NEBL: variants seen among roughly 807,000 people sequenced by gnomAD.
NEBL encodes nebulette, also known as LIM and SH3 protein 2.
Under a neutral mutation model 140.2 loss-of-function variants are expected in NEBL, and 122 were observed. That is an observed-to-expected ratio of 0.87 (90% confidence interval 0.75 to 1.01). The LOEUF is 1.01. Ranked by LOEUF, NEBL falls within the 50% of genes least tolerant of loss-of-function variation. The pLI is 0.00. For missense variants in NEBL, 1,365 were observed against 1,231.3 expected (o/e 1.11, Z -1.62); for synonymous variants, 436 against 398.9 (o/e 1.09, Z -1.11).
intron 2 of NEBL, among the ~76,000 whole-genome samples, chr10:21,034,853 G>T: frequency 6.6e-6 from 1 of 152,104 alleles, no homozygotes; most frequent in South Asian, 2.1e-4. Flanking sequence ...GTGCAGGTTT[G>T]TTACACAGGT....
chr10:21,203,676 G>A (rs897941764), intron 3 of NEBL, among the ~76,000 whole-genome samples: 1 of 152,148 alleles, frequency 6.6e-6, no homozygotes. Flanking sequence ...TTTCTGTAAT[G>A]GGAAAATGGA....
chr10:20,912,526 T>C (rs1310858237), intron 4 of NEBL, among the ~76,000 whole-genome samples: 2 of 152,250 alleles, frequency 1.3e-5, no homozygotes, highest in African/African-American at 4.8e-5. Flanking sequence ...ATGTTATCTG[T>C]TGCTTTGTTT....
chr10:21,105,112 T>A lies in NEBL; in HGVS notation c.164+67271A>T, dbSNP rs548414403. Among the ~76,000 whole-genome samples the A allele has an allele frequency of 2.0e-4, 31 of 152,312 alleles. No individual in the cohort carries two copies. In the South Asian group the frequency reaches 5.4e-3, roughly 26 times the overall value. Reference sequence around the variant, plus strand: ...ATTATCTTTTTTACATATTGTTGAATTTTATTGGCTAAAAGTCTGTTAATA... The same window carrying A: ...ATTATCTTTTTTACATATTGTTGAAATTTATTGGCTAAAAGTCTGTTAATA... On this transcript the variant is annotated intron_variant, in intron 2 of 6. Coordinates refer to the NEBL transcript ENST00000417816.
intron 19 of NEBL, among the ~76,000 whole-genome samples, chr10:20,822,575 T>C (rs1038124275): frequency 1.3e-5 from 2 of 151,418 alleles, no homozygotes; most frequent in African/African-American, 4.8e-5. Context: ...TATAGAGATA[T>C]ATACAGACTA....
chr10:21,249,855 G>A (rs1588562314), intron 2 of NEBL, among the ~76,000 whole-genome samples: 2 of 152,074 alleles, frequency 1.3e-5, no homozygotes, highest in African/African-American at 4.8e-5. Flanking sequence ...CCTGAGGTCA[G>A]GGGTTTGAGA....
chr10:20,836,127 C>A (rs142469959), intron 13 of NEBL, among the ~76,000 whole-genome samples: 1,955 of 151,174 alleles, frequency 0.013, 55 homozygotes, highest in African/African-American at 0.042. Context: ...GTCAAGCAAG[C>A]CTATCGGTGC....
chr10:20,949,087 A>G (rs1351239555), intron 4 of NEBL, among the ~76,000 whole-genome samples: 1 of 152,238 alleles, frequency 6.6e-6, no homozygotes, highest in Non-Finnish European at 1.5e-5. Context: ...TGAAAAATTT[A>G]AAATTCAAAA....
chr10:21,008,706 G>T (rs923717399), intron 3 of NEBL, among the ~76,000 whole-genome samples: 8 of 152,206 alleles, frequency 5.3e-5, no homozygotes, highest in African/African-American at 1.9e-4. Flanking sequence ...ACTAGTTATT[G>T]TTGTTAATCT....
chr10:20,942,951 G>C (rs908730307), intron 4 of NEBL, among the ~76,000 whole-genome samples: 1 of 152,212 alleles, frequency 6.6e-6, no homozygotes, highest in Admixed American at 6.5e-5. Context: ...AGGTGCTGGA[G>C]AGGATGTGGA....
intron 1 of NEBL, among the ~76,000 whole-genome samples, chr10:21,278,797 A>G (rs1016400782): frequency 1.3e-5 from 2 of 152,134 alleles, no homozygotes; most frequent in Non-Finnish European, 2.9e-5. Context: ...CCTGAGTTAC[A>G]TAGCCAGGGA....
intron 4 of NEBL, chr10:20,961,622 C>G (rs1350019665): frequency 4.5e-6 from 6 of 1,341,998 alleles, no homozygotes; most frequent in African/African-American, 1.4e-5. Context: ...CCTTTCTCAT[C>G]CAGAAATGCA....
chr10:21,178,445 G>A (rs1186607987), upstream of NEBL, among the ~76,000 whole-genome samples: 1 of 152,144 alleles, frequency 6.6e-6, no homozygotes, highest in African/African-American at 2.4e-5. Flanking sequence ...AAGAACAGAG[G>A]AGAAATTTCT....
Position 20,787,418 on chromosome 10 carries a change from A to G in NEBL, c.2762-110T>C. On this transcript the variant is annotated intron_variant, in intron 26 of 27. Transcript: ENST00000377122. ...CTCTGCTAGAAGCTTCTGAAACAAA[A>G]TGCCTTTTCAGTGTTGTGAAATTTA... 3 of 856,584 alleles carry G rather than the reference A, an allele frequency of 3.5e-6. No individual in the cohort carries two copies. In the South Asian group the frequency reaches 4.3e-5, roughly 12 times the overall value. 53.1% of individuals were successfully genotyped at this position (856,584 alleles called of 1,614,324 possible). A position where few individuals can be genotyped will look rare whatever the true frequency, so the allele number is the denominator to read the frequency against.
At chr10:21,034,271 C>T (rs945919583) in intron 2 of NEBL, among the ~76,000 whole-genome samples, 3 of 151,132 alleles carry the variant, frequency 2.0e-5, no homozygotes, top group Non-Finnish European at 4.4e-5. Flanking sequence ...AAATGTATGG[C>T]CCAAAATAAT....
intron 18 of NEBL, among the ~76,000 whole-genome samples, chr10:20,825,641 G>T (rs971599324): frequency 6.6e-6 from 1 of 150,832 alleles, no homozygotes; most frequent in Non-Finnish European, 1.5e-5. Context: ...TCCAGCCTAG[G>T]CAACAAAGCA....
At chr10:20,855,587 T>A (rs1356039545) in intron 9 of NEBL, among the ~76,000 whole-genome samples, 1 of 151,880 alleles carries the variant, frequency 6.6e-6, no homozygotes, top group East Asian at 1.9e-4. Flanking sequence ...CGAATGCGTG[T>A]CTTTCCTTAT....
intron 3 of NEBL, among the ~76,000 whole-genome samples, chr10:20,974,252 CT>C (rs200215327): frequency 0.031 from 4,417 of 140,822 alleles, 145 homozygotes; most frequent in African/African-American, 0.098. Context: ...AGTTTTTTTT[CT>C]TTTTTTTTTT....
At chr10:21,106,074 A>G (rs1367330704) in intron 2 of NEBL, among the ~76,000 whole-genome samples, 6 of 151,858 alleles carry the variant, frequency 4.0e-5, no homozygotes, top group African/African-American at 1.5e-4. Context: ...TTCTTTGTAG[A>G]TTCTGGATAT....
chr10:21,135,379 A>T (rs1056114001), intron 2 of NEBL, among the ~76,000 whole-genome samples: 4 of 152,014 alleles, frequency 2.6e-5, no homozygotes, highest in Admixed American at 6.6e-5. Context: ...CTGTTTGAAG[A>T]TCTAATTTCT....
Sources: gnomAD v4.1 joint callset for allele counts (sites outside exome capture counted in the v4.1 genomes callset) on GRCh38, gnomAD v4.1.1 for gene constraint, MANE v1.5 for transcripts, NCBI Gene and HGNC (gene_info 2026-07-23, HGNC 2026-07-21) for gene names.